Variants in RBFOX1 observed in about 807,000 individuals in gnomAD.
RBFOX1 encodes the protein RNA binding protein fox-1 homolog 1.
In RBFOX1, 8 loss-of-function variants were observed where a neutral mutation model predicts 57.7. That is an observed-to-expected ratio of 0.14 (90% CI 0.08 to 0.25). RBFOX1 has a LOEUF of 0.25. Ranked by LOEUF, RBFOX1 falls within the 10% of genes least tolerant of loss-of-function variation. The pLI is 1.00. For missense variants in RBFOX1, 611 were observed against 548.5 expected (o/e 1.11, Z -1.14); for synonymous variants, 326 against 222.4 (o/e 1.47, Z -4.15).
chr16:5,834,811 T>TAGAC (rs1223931816), intron 3 of RBFOX1, among the ~76,000 whole-genome samples: 13 of 146,358 alleles, frequency 8.9e-5, no homozygotes, highest in African/African-American at 3.4e-4. Flanking sequence ...GATAGATAGA[T>TAGAC]AGATAGATAG....
intron 4 of RBFOX1, among the ~76,000 whole-genome samples, chr16:7,080,465 CAG>C (rs2059018233): frequency 6.6e-6 from 1 of 152,144 alleles, no homozygotes; most frequent in African/African-American, 2.4e-5. Context: ...ATACATGTAA[CAG>C]AGCCTCATTC....
At chr16:6,086,484 C>T (rs1331077030) in intron 1 of RBFOX1, among the ~76,000 whole-genome samples, 3 of 126,658 alleles carry the variant, frequency 2.4e-5, no homozygotes, top group East Asian at 2.1e-4. Context: ...ACAACAGCAT[C>T]CCCGTTCATT....
intron 4 of RBFOX1, among the ~76,000 whole-genome samples, chr16:7,474,030 T>G (rs1348979812): frequency 2.0e-5 from 3 of 152,176 alleles, no homozygotes; most frequent in Non-Finnish European, 2.9e-5. Flanking sequence ...GGCTCACGCC[T>G]GTGGTCCCAG....
intron 4 of RBFOX1, among the ~76,000 whole-genome samples, chr16:7,156,979 C>G (rs1030793464): frequency 6.6e-6 from 1 of 152,174 alleles, no homozygotes; most frequent in Non-Finnish European, 1.5e-5. Context: ...AAACACTTCC[C>G]TTATAACAAA....
chr16:6,591,211 C>T (rs1246634190), intron 2 of RBFOX1, among the ~76,000 whole-genome samples: 1 of 152,088 alleles, frequency 6.6e-6, no homozygotes, highest in Non-Finnish European at 1.5e-5. Context: ...TTTGGGAGGC[C>T]AAGGAGGGTG....
At chr16:6,383,840 A>C (rs2152921425) in intron 2 of RBFOX1, among the ~76,000 whole-genome samples, 1 of 152,154 alleles carries the variant, frequency 6.6e-6, no homozygotes, top group South Asian at 2.1e-4. Context: ...CAAATTTTAA[A>C]CCAATTGTCA....
chr16:5,649,380 G>A (rs1336600093), intron 3 of RBFOX1, among the ~76,000 whole-genome samples: 1 of 152,104 alleles, frequency 6.6e-6, no homozygotes, highest in African/African-American at 2.4e-5. Flanking sequence ...ATGTTGGCCA[G>A]GTTGGTCTTG....
At chr16:6,715,978 G>A (rs1273749480) in intron 3 of RBFOX1, among the ~76,000 whole-genome samples, 1 of 150,806 alleles carries the variant, frequency 6.6e-6, no homozygotes, top group Non-Finnish European at 1.5e-5. Context: ...GACCAGGTGT[G>A]CAGTGCCCAA....
intron 5 of RBFOX1, among the ~76,000 whole-genome samples, chr16:7,522,307 C>T (rs2077684141): frequency 6.6e-6 from 1 of 152,102 alleles, no homozygotes; most frequent in Non-Finnish European, 1.5e-5. Flanking sequence ...CATTGGAGAG[C>T]TCACGGGGTG....
At chr16:5,487,252 G>A (rs142342350) in intron 2 of RBFOX1, among the ~76,000 whole-genome samples, 14 of 152,292 alleles carry the variant, frequency 9.2e-5, no homozygotes, top group African/African-American at 1.2e-4. Flanking sequence ...GAAGCATTAC[G>A]GAGGCCAGGG....
At chr16:6,137,000 C>T (rs932369997) in intron 1 of RBFOX1, among the ~76,000 whole-genome samples, 1 of 152,128 alleles carries the variant, frequency 6.6e-6, no homozygotes, top group Non-Finnish European at 1.5e-5. Flanking sequence ...AATTATCACC[C>T]CTCCACCGCT....
intron 4 of RBFOX1, among the ~76,000 whole-genome samples, chr16:7,217,195 T>A (rs73541938): frequency 2.8e-5 from 4 of 143,756 alleles, no homozygotes; most frequent in Non-Finnish European, 4.7e-5. Flanking sequence ...ACCTCCGCCT[T>A]CCGGATTGAA....
chr16:7,549,201 A>C (rs1281942297), intron 5 of RBFOX1, among the ~76,000 whole-genome samples: 2 of 152,244 alleles, frequency 1.3e-5, no homozygotes, highest in East Asian at 3.9e-4. Context: ...AAATATTTAC[A>C]GAGTGGAAGT....
chr16:7,045,844 G>A (rs528893202), intron 3 of RBFOX1, among the ~76,000 whole-genome samples: 2 of 151,998 alleles, frequency 1.3e-5, no homozygotes, highest in Non-Finnish European at 2.9e-5. Flanking sequence ...TTTTAGTAGA[G>A]ACAGAGTTTT....
In RBFOX1 at chr16:7,492,430, G is replaced by C. The variant is rs117883260; in HGVS notation, c.28-25717G>C. On this transcript the variant is annotated intron_variant, in intron 4 of 15. Transcript: ENST00000550418. ...CCTATAATCATTCTTTAGTTTCCTA[G>C]AACTGTAGAAGCTTGGTGGCATAAT... Among the ~76,000 whole-genome samples the C allele has an allele frequency of 8.4e-4, 128 of 152,172 alleles. 3 individuals carry two copies. The East Asian group carries it at 0.024, about 28-fold the overall frequency.
chr16:6,873,834 G>C (rs1308946140), intron 3 of RBFOX1: 2 of 152,134 alleles, frequency 1.3e-5, no homozygotes, highest in African/African-American at 2.4e-5. Context: ...CCGAGACTTT[G>C]AAACATTAAG....
At chr16:5,380,645 C>A (rs892557877) in intron 1 of RBFOX1, among the ~76,000 whole-genome samples, 1 of 152,166 alleles carries the variant, frequency 6.6e-6, no homozygotes, top group African/African-American at 2.4e-5. Context: ...TATTACATTT[C>A]ATCCTTAAAC....
intron 3 of RBFOX1, among the ~76,000 whole-genome samples, chr16:7,026,506 C>T (rs77879735): frequency 0.023 from 3,429 of 151,972 alleles, 131 homozygotes; most frequent in African/African-American, 0.078. Flanking sequence ...TTCTTCTTCT[C>T]TCTGTTTCTA....
intron 2 of RBFOX1, among the ~76,000 whole-genome samples, chr16:6,563,781 G>T (rs1363775377): frequency 6.6e-6 from 1 of 151,950 alleles, no homozygotes; most frequent in Non-Finnish European, 1.5e-5. Flanking sequence ...AGCTGAGACT[G>T]AGCCACTGCA....
Sources: gnomAD v4.1 joint callset for allele counts (sites outside exome capture counted in the v4.1 genomes callset) on GRCh38, gnomAD v4.1.1 for gene constraint, MANE v1.5 for transcripts, NCBI Gene and HGNC (gene_info 2026-07-23, HGNC 2026-07-21) for gene names.